DSCAM: variants seen among roughly 807,000 people sequenced by gnomAD.
DSCAM encodes DS cell adhesion molecule, also known as cell adhesion molecule DSCAM.
In DSCAM, 47 loss-of-function variants were observed where a neutral mutation model predicts 217.7. The observed-to-expected ratio is 0.22, with a 90% CI of 0.17 to 0.28. The LOEUF (loss-of-function observed/expected upper bound fraction) is 0.28, where lower values mean the gene tolerates loss of function less well. Among genes scored for constraint, DSCAM ranks in the 10% least tolerant of loss-of-function variants. DSCAM has a pLI of 1.00. For missense variants in DSCAM, 2,080 were observed against 2,618.3 expected (o/e 0.79, Z 4.49); for synonymous variants, 1,056 against 1,015.3 (o/e 1.04, Z -0.76).
chr21:40,390,245 T>G (rs1361836180), intron 3 of DSCAM, among the ~76,000 whole-genome samples: 18 of 152,242 alleles, frequency 1.2e-4, no homozygotes, highest in Non-Finnish European at 1.5e-5. Context: ...ATTTTTGTTC[T>G]TTTGACTCTT....
chr21:40,479,960 G>A (rs914233118), intron 3 of DSCAM, among the ~76,000 whole-genome samples: 1 of 152,154 alleles, frequency 6.6e-6, no homozygotes, highest in African/African-American at 2.4e-5. Flanking sequence ...TTTGTGCCAG[G>A]TAAATGATAG....
intron 11 of DSCAM, among the ~76,000 whole-genome samples, chr21:40,250,183 T>A (rs992931410): frequency 6.6e-6 from 1 of 152,156 alleles, no homozygotes; most frequent in Non-Finnish European, 1.5e-5. Context: ...GTTTGGGGAT[T>A]CACAGCCTCT....
chr21:40,204,168 C>T (rs1380866660), intron 11 of DSCAM, among the ~76,000 whole-genome samples: 1 of 152,184 alleles, frequency 6.6e-6, no homozygotes, highest in African/African-American at 2.4e-5. Context: ...ATTGCTGCTA[C>T]AGATTAATTG....
At chr21:40,326,927 T>G (rs1468318116) in intron 8 of DSCAM, among the ~76,000 whole-genome samples, 1 of 149,498 alleles carries the variant, frequency 6.7e-6, no homozygotes, top group Admixed American at 6.7e-5. Context: ...TATAACTATA[T>G]GTATATTTAT....
At chr21:40,594,164 T>C (rs926730895) in intron 3 of DSCAM, among the ~76,000 whole-genome samples, 15 of 152,122 alleles carry the variant, frequency 9.9e-5, no homozygotes, top group Admixed American at 6.5e-4. Context: ...TCAAAACTTA[T>C]TGGGATAAAG....
intron 3 of DSCAM, among the ~76,000 whole-genome samples, chr21:40,505,852 TAAC>T (rs376864587): frequency 1.3e-5 from 2 of 152,342 alleles, no homozygotes; most frequent in African/African-American, 2.4e-5. Context: ...TGTGTGGTGA[TAAC>T]AACATTCTTG....
chr21:40,312,068 A>T lies in DSCAM; in HGVS notation c.2062+13T>A. On this transcript the variant is annotated intron_variant, in intron 9 of 32. Transcript: ENST00000400454. ...CTCTACAGATGCCACATGGCTCATGATCCTTTGCTCACCTCTGACAATCAA... is the reference window on the plus strand; with the variant it reads ...CTCTACAGATGCCACATGGCTCATGTTCCTTTGCTCACCTCTGACAATCAA... 1 of 1,610,774 alleles carries T rather than the reference A, an allele frequency of 6.2e-7. No homozygotes were observed. The highest frequency in any genetic ancestry group is 8.5e-7 in the Non-Finnish European group (1 of 1,178,014).
intron 3 of DSCAM, among the ~76,000 whole-genome samples, chr21:40,669,375 T>C (rs2090242232): frequency 6.6e-6 from 1 of 152,104 alleles, no homozygotes; most frequent in African/African-American, 2.4e-5. Flanking sequence ...AAAGAGTAAT[T>C]AGTACTTGGA....
chr21:40,728,362 T>C (rs910729241), intron 1 of DSCAM, among the ~76,000 whole-genome samples: 3 of 152,114 alleles, frequency 2.0e-5, no homozygotes, highest in African/African-American at 7.2e-5. Flanking sequence ...CAATTAAATA[T>C]CAATAAGTCT....
chr21:40,244,674 A>G (rs1333742006), intron 11 of DSCAM, among the ~76,000 whole-genome samples: 1 of 152,116 alleles, frequency 6.6e-6, no homozygotes, highest in Non-Finnish European at 1.5e-5. Context: ...GGTCCCTCAC[A>G]GCAGTGGTAG....
intron 8 of DSCAM, among the ~76,000 whole-genome samples, chr21:40,316,079 A>G (rs373131699): frequency 3.3e-5 from 5 of 152,244 alleles, no homozygotes; most frequent in East Asian, 1.9e-4. Flanking sequence ...CACGGTTAAC[A>G]TATTAAATAA....
At chr21:40,754,948 G>A (rs1458870096) in intron 1 of DSCAM, among the ~76,000 whole-genome samples, 1 of 152,218 alleles carries the variant, frequency 6.6e-6, no homozygotes, top group East Asian at 1.9e-4. Context: ...CAATTGAGAG[G>A]GAAGAGAGTT....
At chr21:40,158,643 G>C (rs1212104546) in intron 16 of DSCAM, among the ~76,000 whole-genome samples, 6 of 152,142 alleles carry the variant, frequency 3.9e-5, no homozygotes, top group Non-Finnish European at 1.5e-5. Flanking sequence ...TCAGTGGGAA[G>C]TCTTGTTTCC....
rs1430172748 is a variant in DSCAM at position 40,438,777 on chromosome 21, T to C, written c.509-69532A>G. Among the ~76,000 whole-genome samples the C allele has an allele frequency of 8.3e-4, 127 of 152,286 alleles. 1 individual carries two copies. The highest frequency in any genetic ancestry group is 6.2e-4 in the Non-Finnish European group (42 of 68,020). On this transcript the variant is annotated intron_variant, in intron 3 of 32. Coordinates refer to ENST00000400454, the MANE Select transcript of DSCAM (RefSeq NM_001389.5). ...TTTGAAAAACAGCAGACCTTTCATC[T>C]CTCACGAGGCACTGTAACATACATG... is the stretch of plus-strand genomic sequence containing the variant.
At chr21:40,137,357 C>G (rs944533969) in intron 18 of DSCAM, among the ~76,000 whole-genome samples, 3 of 151,762 alleles carry the variant, frequency 2.0e-5, no homozygotes, top group Admixed American at 1.3e-4. Context: ...TCTAAAACTA[C>G]CTGAGCCACA....
intron 11 of DSCAM, among the ~76,000 whole-genome samples, chr21:40,205,864 T>C (rs919653571): frequency 6.6e-6 from 1 of 152,212 alleles, no homozygotes; most frequent in African/African-American, 2.4e-5. Flanking sequence ...GCATCACCTA[T>C]AGTTTCTCCT....
At chr21:40,795,490 T>A (rs2091683812) in intron 1 of DSCAM, among the ~76,000 whole-genome samples, 1 of 152,170 alleles carries the variant, frequency 6.6e-6, no homozygotes, top group African/African-American at 2.4e-5. Context: ...TGCACCCTCA[T>A]CCAGCACTGC....
chr21:40,498,779 G>GTA (rs777600814), intron 3 of DSCAM, among the ~76,000 whole-genome samples: 15 of 70,122 alleles, frequency 2.1e-4, no homozygotes, highest in Admixed American at 5.3e-4. Flanking sequence ...ATATATGGGT[G>GTA]TGTATATATA....
intron 10 of DSCAM, among the ~76,000 whole-genome samples, chr21:40,284,252 C>A (rs372102421): frequency 3.3e-5 from 5 of 152,140 alleles, no homozygotes; most frequent in African/African-American, 1.2e-4. Flanking sequence ...AGAAGAATCC[C>A]GAAGTGGACA....
Sources: allele counts gnomAD v4.1 joint callset (sites outside exome capture counted in the v4.1 genomes callset), GRCh38; gene constraint gnomAD v4.1.1; transcripts MANE v1.5; gene names NCBI Gene and HGNC (gene_info 2026-07-23, HGNC 2026-07-21).